The following RAVER1 variants were observed in gnomAD, a reference collection of about 807,000 sequenced individuals.
RAVER1 encodes the protein ribonucleoprotein, PTB binding 1.
RAVER1 carries 36 observed loss-of-function variants against 68.4 expected under a neutral mutation model. That is an observed-to-expected ratio of 0.53 (90% CI 0.40 to 0.70). RAVER1 has a LOEUF of 0.70. Among genes scored for constraint, RAVER1 ranks in the 30% least tolerant of loss-of-function variants. The probability of loss-of-function intolerance (pLI) is 0.00; values close to 1 mark genes in which losing one functional copy is unlikely to be tolerated. For missense variants in RAVER1, 933 were observed against 1,019.8 expected (o/e 0.91, Z 1.16); for synonymous variants, 469 against 472.7 (o/e 0.99, Z 0.10).
chr19:10,316,235 A>G lies in RAVER1; in HGVS notation c.*1219T>C. Reference sequence around the variant, plus strand: ...GATTTCTTTAAAACCATTTACTTACAAACTTTAATTCAGCAAAGGTCCGTG... The same window carrying G: ...GATTTCTTTAAAACCATTTACTTACGAACTTTAATTCAGCAAAGGTCCGTG... On this transcript the variant is annotated 3_prime_UTR_variant, in exon 13 of 13. Transcript: ENST00000617231. The G allele has an allele frequency of 7.3e-7, 1 of 1,366,126 alleles. No homozygotes were observed. The highest frequency in any genetic ancestry group is 9.4e-7 in the Non-Finnish European group (1 of 1,067,314). The allele number at this position is 1,366,126 out of a possible 1,614,324, so 84.6% of individuals were successfully genotyped here.
At chr19:10,324,759 G>A (rs549145643) in intron 3 of RAVER1, among the ~76,000 whole-genome samples, 4 of 152,130 alleles carry the variant, frequency 2.6e-5, no homozygotes, top group Admixed American at 1.3e-4. Flanking sequence ...TTCCTAAGTC[G>A]AGGGACTGAT....
chr19:10,320,726 T>TGAGCAG lies in RAVER1; in HGVS notation c.1693_1698dup (p.Leu565_Leu566dup). The TGAGCAG allele has an allele frequency of 2.0e-6, 3 of 1,522,476 alleles. No homozygotes were observed. In the South Asian group the frequency reaches 3.8e-5, roughly 19 times the overall value. The allele number at this position is 1,522,476 out of a possible 1,614,324, so 94.3% of individuals were successfully genotyped here. On this transcript the variant is annotated inframe_insertion, in exon 9 of 13. Coordinates refer to ENST00000617231, the MANE Select transcript of RAVER1 (RefSeq NM_133452.3). ...GGCAGGCGGGCGCTGCTGAGGGGGCTGAGCAGGCGGGACTTGAGCTGGAAG... is the reference window on the plus strand; with the variant it reads ...GGCAGGCGGGCGCTGCTGAGGGGGCTGAGCAGGAGCAGGCGGGACTTGAGCTGGAAG...
chr19:10,328,603 G>A lies in RAVER1; in HGVS notation c.756+39C>T, dbSNP rs768351149. The A allele has an allele frequency of 4.3e-6, 6 of 1,388,944 alleles. No individual in the cohort carries two copies. Among genetic ancestry groups the A allele is most frequent in the Non-Finnish European group, 5.9e-6 (6 of 1,011,916 alleles). The allele number at this position is 1,388,944 out of a possible 1,614,324, so 86.0% of individuals were successfully genotyped here. A position where few individuals can be genotyped will look rare whatever the true frequency, so the allele number is the denominator to read the frequency against. On this transcript the variant is annotated intron_variant, in intron 3 of 12. Coordinates refer to ENST00000617231, the MANE Select transcript of RAVER1 (RefSeq NM_133452.3). The surrounding 1 kb of genome is among the most constrained non-coding windows in gnomAD (Gnocchi z 4.4). ...CCAAAGACTCTCTCAGGTGCTCCGG[G>A]CCTGGCACCTGCTCCCCAATGCTCT...
At chr19:10,325,563 A>C (rs2040468654) in intron 3 of RAVER1, among the ~76,000 whole-genome samples, 1 of 151,412 alleles carries the variant, frequency 6.6e-6, no homozygotes, top group African/African-American at 2.4e-5. Flanking sequence ...GCTGGTTTCG[A>C]ACTCCTGACC....
At chr19:10,326,176 A>G (rs1252597766) in intron 3 of RAVER1, among the ~76,000 whole-genome samples, 2 of 152,028 alleles carry the variant, frequency 1.3e-5, no homozygotes, top group Non-Finnish European at 2.9e-5. Context: ...AATCACTTGA[A>G]CCCAGGAGGC....
At chr19:10,325,255 C>G (rs1025951828) in intron 3 of RAVER1, among the ~76,000 whole-genome samples, 2 of 152,006 alleles carry the variant, frequency 1.3e-5, no homozygotes, top group East Asian at 3.8e-4. Context: ...GACGGAGTCT[C>G]GCTCTGCCAC....
Position 10,329,079 on chromosome 19 carries a change from C to T in RAVER1, c.319G>A (p.Glu107Lys), listed in dbSNP as rs200295536. 1.9e-4 allele frequency: 279 copies of T among 1,501,308 alleles called. No homozygotes were observed. The highest frequency in any genetic ancestry group is 2.4e-4 in the Non-Finnish European group (266 of 1,123,246). The allele number at this position is 1,501,308 out of a possible 1,614,324, so 93.0% of individuals were successfully genotyped here. A position where few individuals can be genotyped will look rare whatever the true frequency, so the allele number is the denominator to read the frequency against. ...TGGTGGAAAGCATTGATTGCGGCCT[C>T]GGCCTGCTCCCCATTCAGCAGGGTC... ...FVTLLNGEQA[E>K]AAINAFHQSR... is the part of the protein sequence containing the mutation. Residue 107 changes from glutamate (E) to lysine (K), a missense_variant, in exon 3 of 13, where the codon GAG (glutamate) becomes AAG (lysine). Glu to Lys is a moderately conservative substitution (Grantham distance 56, BLOSUM62 1). This residue lies in a region of RAVER1 where 211 missense variants were observed against 230.0 expected (regional missense o/e 0.92). Transcript: ENST00000617231. The surrounding 1 kb of genome is among the most constrained non-coding windows in gnomAD (Gnocchi z 4.6).
At chr19:10,318,797 G>T (rs972429362) in intron 10 of RAVER1, among the ~76,000 whole-genome samples, 4 of 152,236 alleles carry the variant, frequency 2.6e-5, no homozygotes, top group African/African-American at 7.2e-5. Context: ...GTTCCAGCCT[G>T]TGGACGCCAA....
Position 10,322,658 on chromosome 19 carries a change from G to C in RAVER1, c.1160C>G (p.Thr387Ser), listed in dbSNP as rs1190575225. 6.5e-7 allele frequency: 1 copy of C among 1,536,748 alleles called. No individual in the cohort carries two copies. Among genetic ancestry groups the C allele is most frequent in the African/African-American group, 1.4e-5 (1 of 70,006 alleles). The change falls in exon 6 of 13, where the codon ACC becomes AGC. Residue 387 changes from threonine to serine, a missense_variant. Thr to Ser is a moderately conservative substitution (Grantham distance 58, BLOSUM62 1). Transcript: ENST00000617231. The surrounding 1 kb of genome is among the most constrained non-coding windows in gnomAD (Gnocchi z 4.3). ...TGCGTGTGTTACCTTCTGGCCCTGG[G>C]TCTGCAGGGCGAGCTGCAACAGCGC... is the stretch of plus-strand genomic sequence containing the variant. Reference protein sequence around the residue: ...STALLQLALQTQGQKKPGILG... With the variant: ...STALLQLALQSQGQKKPGILG...
At chr19:10,332,463 C>T (rs1205316658) in intron 1 of RAVER1, among the ~76,000 whole-genome samples, 1 of 152,198 alleles carries the variant, frequency 6.6e-6, no homozygotes, top group Admixed American at 6.6e-5. Context: ...CGATCTGTCC[C>T]CAAATTCAGC....
At chr19:10,332,019 G>C (rs2040522630) in intron 1 of RAVER1, among the ~76,000 whole-genome samples, 1 of 152,032 alleles carries the variant, frequency 6.6e-6, no homozygotes, top group African/African-American at 2.4e-5. Flanking sequence ...TTTAGAGATA[G>C]TGTCTTGTTC....
chr19:10,317,205 G>A lies in RAVER1; in HGVS notation c.*249C>T. The A allele has an allele frequency of 1.9e-6, 1 of 534,050 alleles. No homozygotes were observed. Among genetic ancestry groups the A allele is most frequent in the Non-Finnish European group, 3.3e-6 (1 of 301,088 alleles). 33.1% of individuals were successfully genotyped at this position (534,050 alleles called of 1,614,324 possible). On this transcript the variant is annotated 3_prime_UTR_variant, in exon 13 of 13. Transcript: ENST00000617231. The surrounding 1 kb of genome is among the most constrained non-coding windows in gnomAD (Gnocchi z 4.3). The stretch of plus-strand genomic sequence containing the variant: ...AGATGGGGGGAGGGAGGGAGAGCAG[G>A]CCGGGGCCCCTCTCTCTTAAGGCTG...
Position 10,316,995 on chromosome 19 carries a change from C to A in RAVER1, c.*459G>T. On this transcript the variant is annotated 3_prime_UTR_variant, in exon 13 of 13. Coordinates refer to ENST00000617231, the MANE Select transcript of RAVER1 (RefSeq NM_133452.3). Reference sequence around the variant, plus strand: ...TGAAGGAATCAGAGCTGGGGGCTGTCCGGGGTGGTTTGAAAAATAAAACTT... The same window carrying A: ...TGAAGGAATCAGAGCTGGGGGCTGTACGGGGTGGTTTGAAAAATAAAACTT... The A allele has an allele frequency of 1.8e-5, 4 of 218,226 alleles. No individual in the cohort carries two copies. The South Asian group carries it at 2.3e-4, about 13-fold the overall frequency. The allele number at this position is 218,226 out of a possible 1,614,324, so 13.5% of individuals were successfully genotyped here.
chr19:10,317,101 C>T lies in RAVER1; in HGVS notation c.*353G>A, dbSNP rs1053344118. 4.5e-5 allele frequency: 15 copies of T among 335,312 alleles called. No individual in the cohort carries two copies. The highest frequency in any genetic ancestry group is 8.3e-5 in the Non-Finnish European group (15 of 181,056). The allele number at this position is 335,312 out of a possible 1,614,324, so 20.8% of individuals were successfully genotyped here. On this transcript the variant is annotated 3_prime_UTR_variant, in exon 13 of 13. Coordinates refer to ENST00000617231, the MANE Select transcript of RAVER1 (RefSeq NM_133452.3). This position sits in a 1 kb window ranked among gnomAD's most constrained non-coding sequence, Gnocchi z 4.3. Reference sequence around the variant, plus strand: ...TATCTTCACGGGAGGTCAGGGAAACCTCCAAGGCACTCGAAAGGCCAAAAT... The same window carrying T: ...TATCTTCACGGGAGGTCAGGGAAACTTCCAAGGCACTCGAAAGGCCAAAAT...
In RAVER1 at chr19:10,318,311, AG is replaced by A; in HGVS notation, c.1906del (p.Leu636CysfsTer55). ...RSSGGSGGGPLSHFYSGSPTS... is the reference protein window; with the variant it reads ...RSSGGSGGGPXSHFYSGSPTS... ...GGGCGAGCCTGAATAGAAGTGAGAC[AG>A]GGGGCCCCCGCCACTCCCACCGCTG... On this transcript the variant is annotated frameshift_variant, in exon 11 of 13. Coordinates refer to ENST00000617231, the MANE Select transcript of RAVER1 (RefSeq NM_133452.3). LOFTEE classifies it high-confidence loss of function. 6.3e-7 allele frequency: 1 copy of A among 1,587,268 alleles called. No individual in the cohort carries two copies.
Position 10,317,914 on chromosome 19 carries a change from T to A in RAVER1, c.1990-141A>T, listed in dbSNP as rs1205460346. 2 of 676,666 alleles carry A rather than the reference T, an allele frequency of 3.0e-6. No individual in the cohort carries two copies. The highest frequency in any genetic ancestry group is 5.3e-6 in the Non-Finnish European group (2 of 376,794). 41.9% of individuals were successfully genotyped at this position (676,666 alleles called of 1,614,324 possible). A position where few individuals can be genotyped will look rare whatever the true frequency, so the allele number is the denominator to read the frequency against. On this transcript the variant is annotated intron_variant, in intron 11 of 12. Coordinates refer to ENST00000617231, the MANE Select transcript of RAVER1 (RefSeq NM_133452.3). This position sits in a 1 kb window ranked among gnomAD's most constrained non-coding sequence, Gnocchi z 4.3. ...AATCTTGCTTCTGCTACTTTCTAGC[T>A]ATAAGACCTAGGGCCAATTGCTCCA...
chr19:10,316,988 G>C lies in RAVER1; in HGVS notation c.*466C>G, dbSNP rs2040394281. Reference sequence around the variant, plus strand: ...CGGGCCTTGAAGGAATCAGAGCTGGGGGCTGTCCGGGGTGGTTTGAAAAAT... The same window carrying C: ...CGGGCCTTGAAGGAATCAGAGCTGGCGGCTGTCCGGGGTGGTTTGAAAAAT... On this transcript the variant is annotated 3_prime_UTR_variant, in exon 13 of 13. Transcript: ENST00000617231. 2 of 207,520 alleles carry C rather than the reference G, an allele frequency of 9.6e-6. No individual in the cohort carries two copies. Among genetic ancestry groups the C allele is most frequent in the South Asian group, 1.4e-4 (2 of 14,722 alleles). The allele number at this position is 207,520 out of a possible 1,614,324, so 12.9% of individuals were successfully genotyped here. A position where few individuals can be genotyped will look rare whatever the true frequency, so the allele number is the denominator to read the frequency against.
Position 10,323,509 on chromosome 19 carries a change from C to G in RAVER1, c.814G>C (p.Ala272Pro). 6.2e-7 allele frequency: 1 copy of G among 1,608,892 alleles called. No individual in the cohort carries two copies. The highest frequency in any genetic ancestry group is 8.5e-7 in the Non-Finnish European group (1 of 1,179,674). ...KGFAVLEYET[A>P]EMAEEAQQQA... The stretch of plus-strand genomic sequence containing the variant: ...TGCTGTGCCTCCTCCGCCATCTCAG[C>G]CGTCTCATACTCCAGCACCGCGAAG... The change falls in exon 4 of 13, where the codon GCT becomes CCT. Residue 272 changes from alanine (A) to proline (P), a missense_variant. Transcript: ENST00000617231. This position sits in a 1 kb window ranked among gnomAD's most constrained non-coding sequence, Gnocchi z 6.2.
Position 10,321,035 on chromosome 19 carries a change from G to A in RAVER1, c.1473+13C>T, listed in dbSNP as rs1399275275. 7.0e-7 allele frequency: 1 copy of A among 1,431,726 alleles called. No homozygotes were observed. The highest frequency in any genetic ancestry group is 9.1e-7 in the Non-Finnish European group (1 of 1,095,218). 88.7% of individuals were successfully genotyped at this position (1,431,726 alleles called of 1,614,324 possible). A position where few individuals can be genotyped will look rare whatever the true frequency, so the allele number is the denominator to read the frequency against. On this transcript the variant is annotated intron_variant, in intron 8 of 12. Transcript: ENST00000617231. ...GAGGCTGGTGTGGTGCCGCGCGCAG[G>A]GCAGGGCCTTACCCCAGGGGGCGTC...
Sources: gnomAD v4.1 joint callset for allele counts (sites outside exome capture counted in the v4.1 genomes callset) on GRCh38, gnomAD v4.1.1 for gene constraint, gnomAD v4.1.1 regional missense constraint, Gnocchi (gnomAD v3.1) non-coding constraint, MANE v1.5 for transcripts, NCBI Gene and HGNC (gene_info 2026-07-23, HGNC 2026-07-21) for gene names.